The following FRMPD4 variants were observed in gnomAD, a reference collection of about 807,000 sequenced individuals.
The protein encoded by FRMPD4 is FERM and PDZ domain containing 4.
Under a neutral mutation model 94.1 loss-of-function variants are expected in FRMPD4, and 22 were observed. That is an observed-to-expected ratio of 0.23 (90% CI 0.17 to 0.33). The LOEUF (loss-of-function observed/expected upper bound fraction) is 0.33, where lower values mean the gene tolerates loss of function less well. Ranked by LOEUF, FRMPD4 falls within the 10% of genes least tolerant of loss-of-function variation. The pLI, the probability that FRMPD4 is intolerant of heterozygous loss-of-function variation, is 1.00. For synonymous variants in FRMPD4, 631 were observed against 548.6 expected, an observed-to-expected ratio of 1.15 and a Z score of -2.10; for missense variants, 1,111 against 1,339.9, an observed-to-expected ratio of 0.83 and a Z score of 2.67.
At chrX:11,985,813 G>A (rs1483646373) in intron 3 of FRMPD4, among the ~76,000 whole-genome samples, 2 of 112,237 alleles carry the variant, frequency 1.8e-5, no homozygotes, top group Non-Finnish European at 3.8e-5. Context: ...TCTGCCCATG[G>A]AAAGGGAAGG....
chrX:11,884,271 A>G (rs767590625), intron 3 of FRMPD4, among the ~76,000 whole-genome samples: 1 of 112,339 alleles, frequency 8.9e-6, no homozygotes, highest in Admixed American at 9.4e-5. Context: ...TGATGGCTCT[A>G]CTTGTTTATA....
rs111287246 is a variant in FRMPD4, at chrX:12,498,566, A to G, written c.42-114A>G. ...TGTGTCGATTTTTGTTGCAACGTTA[A>G]TTGGGGGTTTGCCCAATCTAAGAGG... is the stretch of plus-strand genomic sequence containing the variant. On this transcript the variant is annotated intron_variant, in intron 1 of 16. Transcript: ENST00000675598. 762 of 557,939 alleles carry G rather than the reference A, an allele frequency of 1.4e-3. 2 individuals carry two copies. Among genetic ancestry groups the G allele is most frequent in the African/African-American group, 0.01 (463 of 44,563 alleles). 46.0% of individuals were successfully genotyped at this position (557,939 alleles called of 1,213,427 possible). A position where few individuals can be genotyped will look rare whatever the true frequency, so the allele number is the denominator to read the frequency against.
chrX:12,150,288 G>A (rs1469490012), intron 1 of FRMPD4, among the ~76,000 whole-genome samples: 1 of 111,858 alleles, frequency 8.9e-6, no homozygotes, highest in South Asian at 3.7e-4. Context: ...GCTTCTGTAC[G>A]TCATTCATCA....
intron 1 of FRMPD4, among the ~76,000 whole-genome samples, chrX:12,278,170 A>G (rs939897013): frequency 8.9e-6 from 1 of 112,244 alleles, no homozygotes; most frequent in African/African-American, 3.2e-5. Context: ...CCAGAAGTTC[A>G]TACCTTTTCT....
chrX:11,833,016 A>G (rs982326216), intron 1 of FRMPD4, among the ~76,000 whole-genome samples: 7 of 112,385 alleles, frequency 6.2e-5, no homozygotes, highest in African/African-American at 2.3e-4. Flanking sequence ...CTACTAACCC[A>G]TGATAACCCC....
intron 2 of FRMPD4, among the ~76,000 whole-genome samples, chrX:12,605,089 A>G (rs894316112): frequency 1.8e-5 from 2 of 112,461 alleles, no homozygotes; most frequent in Non-Finnish European, 3.7e-5. Flanking sequence ...GTCAATAAGA[A>G]GTAGGGGAGC....
chrX:12,009,260 C>T (rs1021013476), intron 3 of FRMPD4, among the ~76,000 whole-genome samples: 7 of 112,369 alleles, frequency 6.2e-5, no homozygotes, highest in African/African-American at 1.9e-4. Context: ...TCAAGTTGTA[C>T]ACCTTAAATA....
intron 3 of FRMPD4, among the ~76,000 whole-genome samples, chrX:12,117,862 TCAA>T (rs1331470013): frequency 8.9e-6 from 1 of 112,033 alleles, no homozygotes; most frequent in Non-Finnish European, 1.9e-5. Context: ...ATCAGATTAA[TCAA>T]CATTTATCAA....
intron 1 of FRMPD4, among the ~76,000 whole-genome samples, chrX:12,440,113 A>ATG (rs1569276969): frequency 9.1e-6 from 1 of 110,410 alleles, no homozygotes; most frequent in African/African-American, 3.3e-5. Context: ...AAGGTTATCA[A>ATG]ATTTAGAAAA....
chrX:12,134,034 T>A (rs940779850), upstream of FRMPD4, among the ~76,000 whole-genome samples: 18 of 112,143 alleles, frequency 1.6e-4, no homozygotes, highest in Admixed American at 1.7e-3. Flanking sequence ...TCTTCAAACA[T>A]ACAATCATCG....
At chrX:11,961,599 TGACA>T (rs1173391906) in intron 3 of FRMPD4, among the ~76,000 whole-genome samples, 3 of 112,281 alleles carry the variant, frequency 2.7e-5, no homozygotes, top group South Asian at 3.7e-4. Flanking sequence ...TTATTCTTTG[TGACA>T]GACACTGAGA....
intron 3 of FRMPD4, among the ~76,000 whole-genome samples, chrX:11,964,731 C>G (rs1368928403): frequency 8.9e-6 from 1 of 112,696 alleles, no homozygotes; most frequent in African/African-American, 3.2e-5. Context: ...TTGTCTATTA[C>G]TGCTAGGACA....
At chrX:12,021,267 G>A (rs1234302262) in intron 3 of FRMPD4, among the ~76,000 whole-genome samples, 2 of 111,444 alleles carry the variant, frequency 1.8e-5, no homozygotes, top group African/African-American at 6.5e-5. Context: ...CAAATGAGAA[G>A]TGTTAGAGCA....
rs766367432 is a variant in FRMPD4 at position 12,564,191 on chromosome X, C to T, written c.159-45530C>T. Among the ~76,000 whole-genome samples, 3 of 112,210 alleles carry T rather than the reference C, an allele frequency of 2.7e-5. No homozygotes were observed. The East Asian group carries it at 8.4e-4, about 31-fold the overall frequency. On this transcript the variant is annotated intron_variant, in intron 2 of 16. Coordinates refer to ENST00000675598, the MANE Select transcript of FRMPD4 (RefSeq NM_001368397.1). ...CTCCATACTCATGACCTAGTCATCT[C>T]CCTAAGGCTCCACCTCCAAATTCTA...
At chrX:12,508,333 C>T (rs866871542) in intron 2 of FRMPD4, among the ~76,000 whole-genome samples, 13 of 110,291 alleles carry the variant, frequency 1.2e-4, no homozygotes, top group African/African-American at 4.3e-4. Context: ...TTATCAAGCC[C>T]GCATTCCTAC....
intron 3 of FRMPD4, among the ~76,000 whole-genome samples, chrX:11,886,305 G>A (rs1036323930): frequency 8.9e-6 from 1 of 111,875 alleles, no homozygotes; most frequent in East Asian, 2.8e-4. Context: ...CAATAAAGTG[G>A]ATTTCTAGAA....
At chrX:11,867,220 A>C (rs2147302204) in intron 2 of FRMPD4, among the ~76,000 whole-genome samples, 1 of 111,652 alleles carries the variant, frequency 9.0e-6, no homozygotes, top group East Asian at 2.8e-4. Flanking sequence ...TGAATTAGAT[A>C]ATTATTGTAT....
At chrX:12,161,163 C>CT (rs5901463) in intron 1 of FRMPD4, among the ~76,000 whole-genome samples, 39,891 of 101,602 alleles carry the variant, frequency 0.39, 6,374 homozygotes, top group East Asian at 0.77. Context: ...GTCCCAAGAA[C>CT]TTTTTTTTTT....
chrX:12,170,979 A>G (rs774346750), intron 1 of FRMPD4, among the ~76,000 whole-genome samples: 1 of 113,612 alleles, frequency 8.8e-6, no homozygotes, highest in East Asian at 2.8e-4. Flanking sequence ...CCTAGATGAT[A>G]GCGCACTGCG....
Sources: allele counts gnomAD v4.1 joint callset (sites outside exome capture counted in the v4.1 genomes callset), GRCh38; gene constraint gnomAD v4.1.1; transcripts MANE v1.5; gene names NCBI Gene and HGNC (gene_info 2026-07-23, HGNC 2026-07-21).